Variants in ADGRL3 observed in about 807,000 individuals in gnomAD.
The protein encoded by ADGRL3 is calcium-independent alpha-latrotoxin receptor 3.
Under a neutral mutation model 153.5 loss-of-function variants are expected in ADGRL3, and 62 were observed. The observed-to-expected ratio is 0.40, with a 90% CI of 0.33 to 0.50. The LOEUF (loss-of-function observed/expected upper bound fraction) is 0.50, where lower values mean the gene tolerates loss of function less well. Ranked by LOEUF, ADGRL3 falls within the 20% of genes least tolerant of loss-of-function variation. The probability of loss-of-function intolerance (pLI) is 0.47; values close to 1 mark genes in which losing one functional copy is unlikely to be tolerated. For missense variants in ADGRL3, 1,641 were observed against 1,859.4 expected (o/e 0.88, Z 2.16); for synonymous variants, 710 against 672.5 (o/e 1.06, Z -0.86).
At chr4:62,023,947 A>T (rs967902315) in intron 21 of ADGRL3, among the ~76,000 whole-genome samples, 1 of 152,128 alleles carries the variant, frequency 6.6e-6, no homozygotes, top group African/African-American at 2.4e-5. Flanking sequence ...ATAGAGAGGG[A>T]TACTGAATTC....
At chr4:61,824,338 G>A (rs182698941) in intron 9 of ADGRL3, among the ~76,000 whole-genome samples, 3 of 152,096 alleles carry the variant, frequency 2.0e-5, no homozygotes, top group East Asian at 3.9e-4. Context: ...CTCAGAAAAC[G>A]TATCTAAAAT....
rs778850864 is a variant in ADGRL3 at position 61,979,734 on chromosome 4, C to T, written c.2977C>T (p.Leu993=). The change falls in exon 18 of 27, where the codon CTG becomes TTG. Residue 993 remains leucine, a synonymous_variant. Transcript: ENST00000683033. ...CTGCATCAGTCTCTTTGTAGCAGAG[C>T]TGCTCTTCCTGATTGGGATCAACCG... ...NLCISLFVAE[L]LFLIGINRTD... 3.1e-6 allele frequency: 5 copies of T among 1,613,950 alleles called. No individual in the cohort carries two copies. In the Admixed American group the frequency reaches 5.0e-5, roughly 16 times the overall value.
chr4:61,775,580 C>T, intron 8 of ADGRL3: 2 of 951,756 alleles, frequency 2.1e-6, no homozygotes, highest in Non-Finnish European at 3.4e-6. Context: ...TTACAGAGGC[C>T]TACCCTTTCC....
chr4:61,850,325 G>T (rs1051186418), intron 9 of ADGRL3, among the ~76,000 whole-genome samples: 2 of 152,032 alleles, frequency 1.3e-5, no homozygotes, highest in Admixed American at 1.3e-4. Context: ...TTGCAGTTTT[G>T]CCAATGGCTT....
At chr4:61,434,790 T>C (rs545625356) in intron 2 of ADGRL3, among the ~76,000 whole-genome samples, 2 of 152,108 alleles carry the variant, frequency 1.3e-5, no homozygotes, top group Non-Finnish European at 2.9e-5. Context: ...TTAGAGCTGA[T>C]TTTAAAACAT....
In ADGRL3 at chr4:61,579,966, A is replaced by G. The variant is rs941433897; in HGVS notation, c.260-7261A>G. 1.9e-4 allele frequency among the ~76,000 whole-genome samples: 29 copies of G among 152,100 alleles called. 1 individual carries two copies. Among genetic ancestry groups the G allele is most frequent in the African/African-American group, 6.8e-4 (28 of 41,432 alleles). On this transcript the variant is annotated intron_variant, in intron 4 of 26. Coordinates refer to ENST00000683033, the MANE Select transcript of ADGRL3 (RefSeq NM_001387552.1). ...GCCAAGTGTTTTGGATTAGATTTTC[A>G]GAGCACATTTCTTAAAACTTAGATA...
chr4:61,787,377 G>A (rs1175864407), intron 8 of ADGRL3, among the ~76,000 whole-genome samples: 1 of 151,222 alleles, frequency 6.6e-6, no homozygotes, highest in Non-Finnish European at 1.5e-5. Context: ...TAAAAAAAAA[G>A]CATAGGTACA....
rs1269984986 is a variant in ADGRL3 at position 62,070,691 on chromosome 4, C to G, written c.4415C>G (p.Thr1472Ser). The G allele has an allele frequency of 6.4e-7, 1 of 1,551,574 alleles. No individual in the cohort carries two copies. The highest frequency in any genetic ancestry group is 8.7e-7 in the Non-Finnish European group (1 of 1,146,968). Residue 1472 changes from threonine to serine, a missense_variant, in exon 27 of 27, where the codon ACC becomes AGC. Thr to Ser is a moderately conservative substitution (Grantham distance 58, BLOSUM62 1). Transcript: ENST00000683033. ...GCCACAGAGAGTGTTACCACCAGCACCCAGACCGAACCCCCACCGGCCAAA... is the reference window on the plus strand; with the variant it reads ...GCCACAGAGAGTGTTACCACCAGCAGCCAGACCGAACCCCCACCGGCCAAA... ...VAATESVTTS[T>S]QTEPPPAKCG...
chr4:61,372,689 T>A lies in ADGRL3; in HGVS notation c.-239-10435T>A, dbSNP rs1412682522. On this transcript the variant is annotated intron_variant, in intron 1 of 26. Coordinates refer to ENST00000683033, the MANE Select transcript of ADGRL3 (RefSeq NM_001387552.1). The stretch of plus-strand genomic sequence containing the variant: ...GGTTACTGCTGTCTTTTTGTTTGTC[T>A]GTGCCCTGCCCCCAGAGGTGGAGCC... 7.9e-5 allele frequency among the ~76,000 whole-genome samples: 12 copies of A among 151,874 alleles called. 1 individual carries two copies. The highest frequency in any genetic ancestry group is 2.6e-4 in the African/African-American group (11 of 41,554).
chr4:61,837,439 G>A (rs539286909), intron 9 of ADGRL3, among the ~76,000 whole-genome samples: 1 of 152,210 alleles, frequency 6.6e-6, no homozygotes, highest in Admixed American at 6.5e-5. Context: ...GGCTTCCATA[G>A]TTTCTTTGGA....
chr4:61,466,472 G>T (rs1356410014), intron 2 of ADGRL3, among the ~76,000 whole-genome samples: 1 of 152,136 alleles, frequency 6.6e-6, no homozygotes, highest in Non-Finnish European at 1.5e-5. Flanking sequence ...ACTTTGTCTG[G>T]TTTGCTAGAG....
chr4:61,675,048 T>C, intron 5 of ADGRL3, among the ~76,000 whole-genome samples: 1 of 151,978 alleles, frequency 6.6e-6, no homozygotes, highest in East Asian at 1.9e-4. Flanking sequence ...TAGCTTTTAT[T>C]CACCTTTCAC....
intron 9 of ADGRL3, among the ~76,000 whole-genome samples, chr4:61,863,071 G>A (rs1292676869): frequency 6.6e-6 from 1 of 152,068 alleles, no homozygotes; most frequent in Non-Finnish European, 1.5e-5. Context: ...CCAATACTGT[G>A]TGACTCCTCT....
rs547407149 is a variant in ADGRL3, at chr4:61,297,672, CT to C, written c.-239-85441del. Among the ~76,000 whole-genome samples, 545 of 144,268 alleles carry C rather than the reference CT, an allele frequency of 3.8e-3. 2 individuals carry two copies. Among genetic ancestry groups the C allele is most frequent in the South Asian group, 5.1e-3 (23 of 4,486 alleles). 94.6% of individuals were successfully genotyped at this position (144,268 alleles called of 152,430 possible). Reference sequence around the variant, plus strand: ...TTGGCAGAACTTACTAAATTCCCACCTTTTTTTTTTTAACCCTAAATTATTC... The same window carrying C: ...TTGGCAGAACTTACTAAATTCCCACCTTTTTTTTTTAACCCTAAATTATTC... On this transcript the variant is annotated intron_variant, in intron 1 of 26. Coordinates refer to ENST00000683033, the MANE Select transcript of ADGRL3 (RefSeq NM_001387552.1).
intron 8 of ADGRL3, chr4:61,775,493 G>A (rs2097137454): frequency 1.3e-6 from 1 of 751,238 alleles, no homozygotes; most frequent in Non-Finnish European, 2.4e-6. Context: ...TCCTTGGCCT[G>A]AGACTCCTTG....
intron 2 of ADGRL3, chr4:61,426,887 C>T (rs1419237715): frequency 6.6e-6 from 1 of 152,208 alleles, no homozygotes. Flanking sequence ...TCGGTCAACC[C>T]CAGCCCAAAT....
intron 8 of ADGRL3, among the ~76,000 whole-genome samples, chr4:61,789,076 G>A (rs1003569717): frequency 6.6e-6 from 1 of 151,980 alleles, no homozygotes; most frequent in South Asian, 2.1e-4. Context: ...CATGCATTAT[G>A]TCATAAAATA....
At chr4:61,991,755 T>C (rs2099104542) in intron 19 of ADGRL3, among the ~76,000 whole-genome samples, 1 of 151,686 alleles carries the variant, frequency 6.6e-6, no homozygotes, top group African/African-American at 2.4e-5. Flanking sequence ...TATTATGCAA[T>C]AAGCTGGGGC....
intron 2 of ADGRL3, among the ~76,000 whole-genome samples, chr4:61,420,054 G>T (rs751726613): frequency 2.0e-5 from 3 of 151,760 alleles, no homozygotes; most frequent in Non-Finnish European, 4.4e-5. Context: ...CACCCACCTC[G>T]GCCTCCCAAA....
Sources: gnomAD v4.1 joint callset for allele counts (sites outside exome capture counted in the v4.1 genomes callset) on GRCh38, gnomAD v4.1.1 for gene constraint, MANE v1.5 for transcripts, NCBI Gene and HGNC (gene_info 2026-07-23, HGNC 2026-07-21) for gene names.